RCOR1: variants seen among roughly 807,000 people sequenced by gnomAD.
The protein encoded by RCOR1 is REST corepressor 1, also known as REST corepressor.
Under a neutral mutation model 64.0 loss-of-function variants are expected in RCOR1, and 12 were observed. The ratio of observed to expected loss-of-function variants is 0.19; its 90% CI spans 0.12 to 0.30. The LOEUF (loss-of-function observed/expected upper bound fraction) is 0.30, where lower values mean the gene tolerates loss of function less well. Ranked by LOEUF, RCOR1 falls within the 10% of genes least tolerant of loss-of-function variation. RCOR1 has a pLI of 1.00. For missense variants in RCOR1, 502 were observed against 621.2 expected (o/e 0.81, Z 2.04); for synonymous variants, 279 against 227.2 (o/e 1.23, Z -2.05).
chr14:102,660,410 G>A (rs1894805707), intron 2 of RCOR1, among the ~76,000 whole-genome samples: 2 of 151,150 alleles, frequency 1.3e-5, no homozygotes, highest in African/African-American at 4.9e-5. Context: ...TTTGAGATGG[G>A]GTCTCATTCT....
rs527664665 is a variant in RCOR1 at position 102,711,903 on chromosome 14, T to A, written c.858+890T>A. 9.8e-5 allele frequency among the ~76,000 whole-genome samples: 15 copies of A among 152,380 alleles called. No individual in the cohort carries two copies. In the South Asian group the frequency reaches 3.1e-3, roughly 32 times the overall value. On this transcript the variant is annotated intron_variant, in intron 7 of 11. Transcript: ENST00000262241. ...TCCTGAGAACTCTTTCTGTAAAATG[T>A]ATATGCCTGTATATTCATAATTCTG...
At chr14:102,708,956 G>C (rs1266069327) in intron 6 of RCOR1, among the ~76,000 whole-genome samples, 1 of 152,168 alleles carries the variant, frequency 6.6e-6, no homozygotes, top group Non-Finnish European at 1.5e-5. Flanking sequence ...ATACAACTTA[G>C]AGTTGCTGCT....
intron 2 of RCOR1, among the ~76,000 whole-genome samples, chr14:102,607,653 G>A (rs754967783): frequency 3.9e-5 from 6 of 152,100 alleles, no homozygotes; most frequent in Non-Finnish European, 7.3e-5. Context: ...AGAGGCTGAG[G>A]TGGGCAGATC....
At chr14:102,695,337 T>A (rs952434698) in intron 3 of RCOR1, 2 of 152,232 alleles carry the variant, frequency 1.3e-5, no homozygotes, top group Non-Finnish European at 2.9e-5. Context: ...TGTTCTAATC[T>A]GAAGAGCCCT....
At chr14:102,647,528 C>G (rs1356947421) in intron 2 of RCOR1, among the ~76,000 whole-genome samples, 1 of 151,888 alleles carries the variant, frequency 6.6e-6, no homozygotes, top group East Asian at 1.9e-4. Flanking sequence ...ACCATGCTGG[C>G]CAGGCTGGTC....
At chr14:102,625,231 C>CTTTTT (rs61403856) in intron 2 of RCOR1, among the ~76,000 whole-genome samples, 29 of 79,194 alleles carry the variant, frequency 3.7e-4, no homozygotes, top group South Asian at 1.0e-3. Context: ...TATCTTGTTA[C>CTTTTT]TTTTTTTTTT....
chr14:102,596,220 T>C (rs2403065), intron 2 of RCOR1, among the ~76,000 whole-genome samples: 141,384 of 151,896 alleles, frequency 0.93, 66,031 homozygotes, highest in African/African-American at 0.98. Context: ...TCCTGCCTCA[T>C]CCTCCTAAGT....
rs991937506 is a variant in RCOR1 at position 102,640,723 on chromosome 14, C to G, written c.362-41172C>G. 3.3e-5 allele frequency among the ~76,000 whole-genome samples: 5 copies of G among 152,262 alleles called. No homozygotes were observed. In the South Asian group the frequency reaches 1.0e-3, roughly 32 times the overall value. On this transcript the variant is annotated intron_variant, in intron 2 of 11. Transcript: ENST00000262241. ...GACACGTTGGCTCACGCCTGTAATTCCAGCATTTTGGGAGACTGAGGTAGG... is the reference window on the plus strand; with the variant it reads ...GACACGTTGGCTCACGCCTGTAATTGCAGCATTTTGGGAGACTGAGGTAGG...
At chr14:102,656,941 C>A (rs4906247) in intron 2 of RCOR1, 157,914 of 230,566 alleles carry the variant, frequency 0.68, 55,004 homozygotes, top group East Asian at 0.93. Flanking sequence ...ATGCATGGCT[C>A]ATTTTTGTAT....
At chr14:102,689,197 T>G (rs1434760043) in intron 3 of RCOR1, among the ~76,000 whole-genome samples, 1 of 152,206 alleles carries the variant, frequency 6.6e-6, no homozygotes, top group Non-Finnish European at 1.5e-5. Context: ...TTTTACTGAC[T>G]TAGGAAAAAC....
intron 6 of RCOR1, chr14:102,710,695 G>A (rs1954045209): frequency 6.4e-6 from 3 of 467,046 alleles, no homozygotes; most frequent in African/African-American, 4.1e-5. Context: ...TGGGAAGTTA[G>A]GAATCTATTT....
intron 2 of RCOR1, among the ~76,000 whole-genome samples, chr14:102,595,527 C>G (rs569537974): frequency 2.8e-4 from 43 of 151,948 alleles, no homozygotes; most frequent in African/African-American, 1.0e-3. Context: ...AACTGTTTTG[C>G]TGCATAGTCT....
At chr14:102,707,195 T>C (rs1263135861) in intron 4 of RCOR1, among the ~76,000 whole-genome samples, 156 bp from the exon 5 acceptor site, 2 of 152,166 alleles carry the variant, frequency 1.3e-5, no homozygotes, top group Admixed American at 6.5e-5. Context: ...TTACAAAGAA[T>C]AGAAAAAGGG....
intron 2 of RCOR1, among the ~76,000 whole-genome samples, chr14:102,621,714 T>C (rs111943447): frequency 3.0e-5 from 1 of 33,694 alleles, no homozygotes; most frequent in Non-Finnish European, 1.2e-4. Context: ...ATCACTTAAA[T>C]GAATGAATGA....
intron 3 of RCOR1, among the ~76,000 whole-genome samples, chr14:102,692,221 G>C (rs1316560675): frequency 6.6e-6 from 1 of 152,134 alleles, no homozygotes; most frequent in African/African-American, 2.4e-5. Context: ...AAATAATTGG[G>C]ATTTACTTTA....
At chr14:102,678,931 C>T (rs556439487) in intron 2 of RCOR1, among the ~76,000 whole-genome samples, 22 of 152,156 alleles carry the variant, frequency 1.4e-4, no homozygotes, top group Non-Finnish European at 2.8e-4. Flanking sequence ...TCTACTTTGG[C>T]GAAGTGACTG....
intron 2 of RCOR1, among the ~76,000 whole-genome samples, chr14:102,614,931 A>G (rs1380868958): frequency 2.7e-5 from 4 of 150,856 alleles, no homozygotes; most frequent in Non-Finnish European, 5.9e-5. Context: ...TCCCGGGTTC[A>G]TACCATTCTC....
intron 2 of RCOR1, among the ~76,000 whole-genome samples, chr14:102,656,738 G>A (rs1458819110): frequency 1.3e-5 from 2 of 151,632 alleles, no homozygotes; most frequent in African/African-American, 4.8e-5. Context: ...AAAGTGCTGG[G>A]ATTACTCCCA....
At chr14:102,650,984 A>G (rs1894576606) in intron 2 of RCOR1, 1 of 850,782 alleles carries the variant, frequency 1.2e-6, no homozygotes, top group Non-Finnish European at 1.4e-6. Flanking sequence ...GACTCATAAT[A>G]GAATACAGGT....
Sources: gnomAD v4.1 joint callset for allele counts (sites outside exome capture counted in the v4.1 genomes callset) on GRCh38, gnomAD v4.1.1 for gene constraint, MANE v1.5 for transcripts, NCBI Gene and HGNC (gene_info 2026-07-23, HGNC 2026-07-21) for gene names.